C12orf42: variants seen among roughly 807,000 people sequenced by gnomAD.
The protein encoded by C12orf42 is uncharacterized protein C12orf42.
C12orf42 carries 25 observed loss-of-function variants against 21.6 expected under a neutral mutation model. The observed-to-expected ratio is 1.16, with a 90% CI of 0.84 to 1.62. The LOEUF (loss-of-function observed/expected upper bound fraction) is 1.62, where lower values mean the gene tolerates loss of function less well. Ranked by LOEUF, C12orf42 falls within the 40% of genes most tolerant of loss-of-function variation. The probability of loss-of-function intolerance (pLI) is 0.00; values close to 1 mark genes in which losing one functional copy is unlikely to be tolerated. For synonymous variants in C12orf42, 174 were observed against 175.0 expected, an observed-to-expected ratio of 0.99 and a Z score of 0.05; for missense variants, 483 against 459.3, an observed-to-expected ratio of 1.05 and a Z score of -0.47.
At chr12:103,541,526 G>C in the C12orf42 span, among the ~76,000 whole-genome samples, 1 of 152,150 alleles carries the variant, frequency 6.6e-6, no homozygotes, top group African/African-American at 2.4e-5. Flanking sequence ...TGTGCCGCCA[G>C]TTGTATAAAA....
At chr12:103,531,310 A>G in the C12orf42 span, among the ~76,000 whole-genome samples, 1 of 151,998 alleles carries the variant, frequency 6.6e-6, no homozygotes, top group African/African-American at 2.4e-5. Context: ...TTTTTATAAA[A>G]CCTGCCACAT....
the C12orf42 span, among the ~76,000 whole-genome samples, chr12:103,120,630 A>G: frequency 1.3e-5 from 2 of 151,720 alleles, no homozygotes; most frequent in Non-Finnish European, 2.9e-5. Flanking sequence ...AAAAATACCA[A>G]CATCATGGGG....
chr12:103,335,450 T>C (rs1333765582), intron 4 of C12orf42, among the ~76,000 whole-genome samples: 2 of 152,198 alleles, frequency 1.3e-5, no homozygotes, highest in African/African-American at 4.8e-5. Flanking sequence ...GGGAAAGATT[T>C]TTGTGTGGTC....
intron 4 of C12orf42, among the ~76,000 whole-genome samples, chr12:103,340,910 G>C (rs970562651): frequency 6.6e-6 from 1 of 151,960 alleles, no homozygotes; most frequent in African/African-American, 2.4e-5. Context: ...TCAGGAGATC[G>C]AGACCATCCT....
At chr12:103,375,271 T>C (rs2045598015) in intron 3 of C12orf42, among the ~76,000 whole-genome samples, 1 of 152,192 alleles carries the variant, frequency 6.6e-6, no homozygotes, top group Non-Finnish European at 1.5e-5. Context: ...TGAATGAAAA[T>C]TTAAATCTTT....
the C12orf42 span, among the ~76,000 whole-genome samples, chr12:103,066,383 TC>T: frequency 1.3e-5 from 2 of 152,160 alleles, no homozygotes; most frequent in Admixed American, 1.3e-4. Context: ...TGGTCTCCAC[TC>T]CTGCCACCCT....
chr12:103,431,979 T>C (rs1372783193), intron 2 of C12orf42, among the ~76,000 whole-genome samples: 1 of 152,114 alleles, frequency 6.6e-6, no homozygotes, highest in East Asian at 1.9e-4. Flanking sequence ...TCGAAGAAGG[T>C]CAAGCAGGCA....
chr12:103,309,901 C>A (rs1461105428), intron 4 of C12orf42, among the ~76,000 whole-genome samples: 1 of 152,206 alleles, frequency 6.6e-6, no homozygotes, highest in Non-Finnish European at 1.5e-5. Context: ...CCTTCAGAGG[C>A]CAGGCGGATG....
At chr12:103,208,411 T>G in the C12orf42 span, among the ~76,000 whole-genome samples, 2 of 152,186 alleles carry the variant, frequency 1.3e-5, no homozygotes, top group Non-Finnish European at 2.9e-5. Flanking sequence ...CAGTGTACCG[T>G]GAAATGGTAA....
At chr12:103,365,577 C>A (rs2044526272) in intron 4 of C12orf42, among the ~76,000 whole-genome samples, 1 of 152,010 alleles carries the variant, frequency 6.6e-6, no homozygotes, top group African/African-American at 2.4e-5. Flanking sequence ...TTAGAAAACC[C>A]TAAAGACTCC....
chr12:103,372,546 C>T (rs1043092309), intron 3 of C12orf42, among the ~76,000 whole-genome samples: 1 of 152,098 alleles, frequency 6.6e-6, no homozygotes, highest in Non-Finnish European at 1.5e-5. Context: ...ATTCTCTGGC[C>T]TCACCCTAAA....
At chr12:103,370,831 TAC>T (rs1417633257) in intron 3 of C12orf42, among the ~76,000 whole-genome samples, 1 of 152,078 alleles carries the variant, frequency 6.6e-6, no homozygotes, top group Non-Finnish European at 1.5e-5. Flanking sequence ...ACCCCTGTGG[TAC>T]ACAGTTCACC....
chr12:103,490,669 T>G (rs1003377669), intron 1 of C12orf42, among the ~76,000 whole-genome samples: 2 of 151,962 alleles, frequency 1.3e-5, no homozygotes, highest in Non-Finnish European at 2.9e-5. Context: ...TTGTTTTAAT[T>G]GTAATTTTAA....
Position 103,288,645 on chromosome 12 carries a change from A to G in C12orf42, n.338-11435T>C, listed in dbSNP as rs1298070479. Among the ~76,000 whole-genome samples the G allele has an allele frequency of 4.6e-5, 7 of 152,156 alleles. No homozygotes were observed. In the East Asian group the frequency reaches 1.3e-3, roughly 29 times the overall value. ...TATTTTTTCAGATGCTCTGTAAACC[A>G]CATGCCACTATGTTAGACGTGTAAA... On this transcript the variant is annotated intron_variant and non_coding_transcript_variant, in intron 4 of 6. Coordinates refer to the C12orf42 transcript ENST00000546526.
chr12:103,185,829 C>A, the C12orf42 span, among the ~76,000 whole-genome samples: 1 of 152,188 alleles, frequency 6.6e-6, no homozygotes, highest in Admixed American at 6.5e-5. Context: ...GATTCTGAGG[C>A]CTCCTCAAGC....
chr12:103,556,500 T>C, the C12orf42 span, among the ~76,000 whole-genome samples: 18 of 152,276 alleles, frequency 1.2e-4, no homozygotes, highest in Admixed American at 4.6e-4. Context: ...CCTCGGTATG[T>C]AAAGTGCCAA....
the C12orf42 span, among the ~76,000 whole-genome samples, chr12:103,522,833 G>A: frequency 1.3e-5 from 2 of 152,194 alleles, no homozygotes; most frequent in Non-Finnish European, 2.9e-5. Flanking sequence ...TTAGATGCAA[G>A]TCCACAATGG....
chr12:103,306,158 T>G lies in C12orf42; in HGVS notation c.447A>C (p.Glu149Asp). The G allele has an allele frequency of 6.2e-7, 1 of 1,613,942 alleles. No individual in the cohort carries two copies. The highest frequency in any genetic ancestry group is 8.5e-7 in the Non-Finnish European group (1 of 1,179,864). The change falls in exon 5 of 6, where the codon GAA becomes GAC. Residue 149 changes from glutamate to aspartate, a missense_variant. Physicochemically the swap from Glu to Asp is conservative, Grantham distance 45 (BLOSUM62 2). Transcript: ENST00000548883. ...GTGCTCCTCTGGCTCTCTCCTCAGT[T>G]TCTCCTCTGGCAGTAAAAATCAATG... is the stretch of plus-strand genomic sequence containing the variant. ...EAPLIFTARG[E>D]TEERARGAPK...
At chr12:103,123,680 G>T in the C12orf42 span, among the ~76,000 whole-genome samples, 2 of 151,856 alleles carry the variant, frequency 1.3e-5, no homozygotes. Context: ...ACTACTTATG[G>T]ATTTCAAAGT....
Sources: allele counts gnomAD v4.1 joint callset (sites outside exome capture counted in the v4.1 genomes callset), GRCh38; gene constraint gnomAD v4.1.1; transcripts MANE v1.5; gene names NCBI Gene and HGNC (gene_info 2026-07-23, HGNC 2026-07-21).